The following PALM2AKAP2 variants were observed in gnomAD, a reference collection of about 807,000 sequenced individuals.
PALM2AKAP2 encodes the protein PALM2-AKAP2 fusion protein.
In PALM2AKAP2, 37 loss-of-function variants were observed where a neutral mutation model predicts 71.5. The observed-to-expected ratio is 0.52, with a 90% CI of 0.40 to 0.68. The LOEUF is 0.68. Among genes scored for constraint, PALM2AKAP2 ranks in the 30% least tolerant of loss-of-function variants. The pLI is 0.00. For synonymous variants in PALM2AKAP2, 468 were observed against 478.8 expected (o/e 0.98, Z 0.29); for missense variants, 1,224 against 1,191.8 (o/e 1.03, Z -0.40).
intron 5 of PALM2AKAP2, among the ~76,000 whole-genome samples, chr9:109,925,497 G>C (rs1320087764): frequency 1.3e-5 from 2 of 151,872 alleles, no homozygotes; most frequent in Admixed American, 6.6e-5. Context: ...GAAAATATTT[G>C]GTGTTTGGGA....
At chr9:110,023,274 A>C (rs1264902220) in intron 7 of PALM2AKAP2, among the ~76,000 whole-genome samples, 1 of 145,658 alleles carries the variant, frequency 6.9e-6, no homozygotes, top group Non-Finnish European at 1.5e-5. Context: ...CCCCATTCTA[A>C]CTGGTGTGAG....
rs1174808481 is a variant in PALM2AKAP2 at position 109,937,286 on chromosome 9, C to T, written c.496+5258C>T. Among the ~76,000 whole-genome samples the T allele has an allele frequency of 3.9e-5, 6 of 152,156 alleles. No homozygotes were observed. In the East Asian group the frequency reaches 1.2e-3, roughly 29 times the overall value. On this transcript the variant is annotated intron_variant, in intron 6 of 9. Transcript: ENST00000302798. ...CCTTCCCCAGAGGCCTCACACTCCGCTCCACACCTGGGTGTTTTCAGAACC... is the reference window on the plus strand; with the variant it reads ...CCTTCCCCAGAGGCCTCACACTCCGTTCCACACCTGGGTGTTTTCAGAACC...
At chr9:110,108,030 A>G (rs1163413451) in intron 1 of PALM2AKAP2, among the ~76,000 whole-genome samples, 1 of 150,328 alleles carries the variant, frequency 6.7e-6, no homozygotes, top group African/African-American at 2.4e-5. Context: ...TTTACCTACA[A>G]CTTTTCAGGA....
intron 1 of PALM2AKAP2, among the ~76,000 whole-genome samples, chr9:110,100,053 A>C (rs1289973189): frequency 1.6e-4 from 17 of 103,828 alleles, no homozygotes; most frequent in African/African-American, 1.1e-3. Flanking sequence ...ATGTGTGTCT[A>C]TATATATATA....
At chr9:109,975,234 A>G (rs1365417806) in intron 6 of PALM2AKAP2, among the ~76,000 whole-genome samples, 8 of 152,206 alleles carry the variant, frequency 5.3e-5, no homozygotes, top group Non-Finnish European at 1.5e-5. Flanking sequence ...CAGGAAAGCC[A>G]ATGATGTAAT....
intron 3 of PALM2AKAP2, among the ~76,000 whole-genome samples, chr9:110,165,563 A>G (rs1836714104): frequency 6.6e-6 from 1 of 152,202 alleles, no homozygotes; most frequent in Non-Finnish European, 1.5e-5. Flanking sequence ...TGGCCATGGT[A>G]AGTGATTGTA....
intron 1 of PALM2AKAP2, among the ~76,000 whole-genome samples, chr9:110,106,185 G>C (rs544694072): frequency 1.3e-5 from 2 of 152,244 alleles, no homozygotes; most frequent in South Asian, 4.1e-4. Flanking sequence ...GGAAAACCTT[G>C]GGCCCATCAG....
chr9:109,956,553 C>G (rs530378498), intron 6 of PALM2AKAP2, among the ~76,000 whole-genome samples: 8 of 152,266 alleles, frequency 5.3e-5, no homozygotes, highest in African/African-American at 1.7e-4. Context: ...AAGATAGAGT[C>G]AGCTTTTCTA....
chr9:109,729,216 G>A (rs77507733), intron 1 of PALM2AKAP2, among the ~76,000 whole-genome samples: 6,486 of 152,202 alleles, frequency 0.043, 190 homozygotes, highest in Non-Finnish European at 0.053. Context: ...CCGTTAATGT[G>A]CTAGGTACAT....
intron 1 of PALM2AKAP2, among the ~76,000 whole-genome samples, chr9:110,069,371 T>C (rs990548187): frequency 1.3e-5 from 2 of 152,248 alleles, no homozygotes; most frequent in Admixed American, 1.3e-4. Context: ...TTCATTTGTG[T>C]ATGCCTGTTA....
rs992943006 is a variant in PALM2AKAP2 at position 109,834,836 on chromosome 9, C to T, written c.46-32655C>T. 3.3e-5 allele frequency among the ~76,000 whole-genome samples: 5 copies of T among 152,166 alleles called. No individual in the cohort carries two copies. The East Asian group carries it at 9.6e-4, about 29-fold the overall frequency. ...CGAGAATGGACCTGGGACTTAAATC[C>T]CAAGTCTAGAGCCTGGACTTGACCA... On this transcript the variant is annotated intron_variant, in intron 1 of 9. Coordinates refer to the PALM2AKAP2 transcript ENST00000302798.
intron 6 of PALM2AKAP2, among the ~76,000 whole-genome samples, chr9:109,985,048 C>T (rs949261976): frequency 3.3e-5 from 5 of 151,736 alleles, no homozygotes; most frequent in East Asian, 2.0e-4. Flanking sequence ...TGGTGGTGCA[C>T]GCCTGCAGTC....
upstream of PALM2AKAP2, among the ~76,000 whole-genome samples, chr9:109,777,645 C>T (rs911511420): frequency 1.3e-5 from 2 of 152,196 alleles, no homozygotes; most frequent in Non-Finnish European, 2.9e-5. Context: ...CCAAGCTCAT[C>T]TTCTGGACAC....
intron 6 of PALM2AKAP2, among the ~76,000 whole-genome samples, chr9:110,012,048 A>T (rs1330312323): frequency 6.6e-6 from 1 of 152,188 alleles, no homozygotes; most frequent in Non-Finnish European, 1.5e-5. Context: ...TAATCCCAAC[A>T]CTTTGGGAGA....
chr9:109,974,692 C>T (rs1832138956), intron 6 of PALM2AKAP2, among the ~76,000 whole-genome samples: 1 of 152,188 alleles, frequency 6.6e-6, no homozygotes. Flanking sequence ...ACCATTTTCT[C>T]ATCACTGCTG....
chr9:109,886,684 G>A (rs10283686), intron 3 of PALM2AKAP2, among the ~76,000 whole-genome samples: 108,086 of 152,100 alleles, frequency 0.71, 39,321 homozygotes, highest in Admixed American at 0.78. Context: ...GCCATCTCTC[G>A]GGATCTTCCA....
At chr9:109,652,704 G>T (rs2132233986) in intron 1 of PALM2AKAP2, among the ~76,000 whole-genome samples, 1 of 152,216 alleles carries the variant, frequency 6.6e-6, no homozygotes, top group Non-Finnish European at 1.5e-5. Flanking sequence ...TTAAGTACCT[G>T]GTATGTGCCA....
chr9:109,896,972 T>G (rs763241117), intron 3 of PALM2AKAP2, among the ~76,000 whole-genome samples: 1 of 152,170 alleles, frequency 6.6e-6, no homozygotes, highest in Non-Finnish European at 1.5e-5. Flanking sequence ...AGTTTCAAGT[T>G]TTTTTTTGCC....
At position 110,167,019 on chromosome 9, in the gene PALM2AKAP2, G is replaced by T. The variant is rs573814726; in HGVS notation, c.2749-1380G>T. On this transcript the variant is annotated intron_variant, in intron 3 of 3. Transcript: ENST00000374525. ...TGGCAGAAGGTGAAGGAAGATCAAA[G>T]GCACGTCTTACATGGCAGCAGGCAA... Among the ~76,000 whole-genome samples, 4 of 152,332 alleles carry T rather than the reference G, an allele frequency of 2.6e-5. No homozygotes were observed. In the South Asian group the frequency reaches 8.3e-4, roughly 32 times the overall value.
Sources: gnomAD v4.1 joint callset for allele counts (sites outside exome capture counted in the v4.1 genomes callset) on GRCh38, gnomAD v4.1.1 for gene constraint, MANE v1.5 for transcripts, NCBI Gene and HGNC (gene_info 2026-07-23, HGNC 2026-07-21) for gene names.